The following GLMN variants were observed in gnomAD, a reference collection of about 807,000 sequenced individuals.
GLMN encodes glomulin.
In GLMN, 75 loss-of-function variants were observed where a neutral mutation model predicts 87.8. That is an observed-to-expected ratio of 0.85 (90% confidence interval 0.71 to 1.04). The LOEUF (loss-of-function observed/expected upper bound fraction) is 1.04. Among genes scored for constraint, GLMN ranks in the 50% least tolerant of loss-of-function variants. GLMN has a pLI of 0.00. For missense variants in GLMN, 588 were observed against 658.8 expected, an observed-to-expected ratio of 0.89 and a Z score of 1.18; for synonymous variants, 206 against 221.6, an observed-to-expected ratio of 0.93 and a Z score of 0.63.
chr1:92,292,346 G>GT (rs1352717673), intron 3 of GLMN, among the ~76,000 whole-genome samples: 1 of 152,134 alleles, frequency 6.6e-6, no homozygotes, highest in East Asian at 1.9e-4. Context: ...GAGCCCAGGA[G>GT]TTTGAGACCA....
chr1:92,351,880 C>T, the GLMN span, among the ~76,000 whole-genome samples: 408 of 152,094 alleles, frequency 2.7e-3, 1 homozygote, highest in African/African-American at 9.6e-3. Context: ...TAAGCCACTA[C>T]TTTGTATTCT....
At chr1:92,338,014 TTC>T in the GLMN span, among the ~76,000 whole-genome samples, 4 of 152,196 alleles carry the variant, frequency 2.6e-5, no homozygotes, top group Non-Finnish European at 5.9e-5. Flanking sequence ...TTAACTATCA[TTC>T]TGTTTTCCTA....
chr1:92,275,622 C>A (rs1310346441), intron 7 of GLMN, among the ~76,000 whole-genome samples: 1 of 152,120 alleles, frequency 6.6e-6, no homozygotes, highest in African/African-American at 2.4e-5. Flanking sequence ...TTTTTCTCAT[C>A]TGTCATTCAT....
At chr1:92,324,816 A>T in the GLMN span, among the ~76,000 whole-genome samples, 2 of 152,208 alleles carry the variant, frequency 1.3e-5, no homozygotes, top group South Asian at 4.1e-4. Context: ...TGTCCATTGA[A>T]AACATTACAG....
At chr1:92,323,894 C>T in the GLMN span, 2 of 1,614,092 alleles carry the variant, frequency 1.2e-6, no homozygotes, top group Non-Finnish European at 1.7e-6. Context: ...TCAGAAATAA[C>T]TCTAGTAGGC....
At chr1:92,292,456 G>A (rs1649516434) in intron 3 of GLMN, among the ~76,000 whole-genome samples, 1 of 151,960 alleles carries the variant, frequency 6.6e-6, no homozygotes, top group Admixed American at 6.6e-5. Flanking sequence ...TGTCGCCCAG[G>A]CTGGAGTGCA....
chr1:92,352,499 C>T, the GLMN span, among the ~76,000 whole-genome samples: 1 of 152,128 alleles, frequency 6.6e-6, no homozygotes, highest in Non-Finnish European at 1.5e-5. Context: ...AATCTGTGAA[C>T]ATACCATGAA....
the GLMN span, chr1:92,363,626 C>T: frequency 2.4e-3 from 575 of 236,298 alleles, 1 homozygote; most frequent in Admixed American, 3.4e-3. Flanking sequence ...CTGTGCAAGT[C>T]CACTTCTATG....
At chr1:92,254,461 A>T (rs556102085) in intron 16 of GLMN, among the ~76,000 whole-genome samples, 1 of 152,316 alleles carries the variant, frequency 6.6e-6, no homozygotes, top group South Asian at 2.1e-4. Flanking sequence ...CAAGACACAT[A>T]ATCATCAGAT....
upstream of GLMN, chr1:92,299,043 C>A (rs577754981): frequency 3.2e-5 from 42 of 1,332,322 alleles, 1 homozygote; most frequent in Middle Eastern, 7.6e-4. Flanking sequence ...GACGCCGGAG[C>A]GTGTCCCCGT....
At chr1:92,361,308 C>G in the GLMN span, among the ~76,000 whole-genome samples, 1 of 152,162 alleles carries the variant, frequency 6.6e-6, no homozygotes, top group East Asian at 1.9e-4. Flanking sequence ...TCCATGCAGT[C>G]AAATACATTG....
the GLMN span, chr1:92,324,023 A>C: frequency 6.2e-7 from 1 of 1,613,952 alleles, no homozygotes; most frequent in South Asian, 1.1e-5. Context: ...AACTTACTTA[A>C]AGTTTTGAAG....
chr1:92,369,413 G>C, the GLMN span, among the ~76,000 whole-genome samples: 2 of 152,058 alleles, frequency 1.3e-5, no homozygotes, highest in African/African-American at 4.8e-5. Context: ...TGTGGGAACC[G>C]ATCCTCCCAC....
At chr1:92,354,624 C>G in the GLMN span, among the ~76,000 whole-genome samples, 2 of 152,094 alleles carry the variant, frequency 1.3e-5, no homozygotes, top group South Asian at 4.1e-4. Flanking sequence ...AGGACATAAA[C>G]CATCTGTTAT....
At chr1:92,306,730 T>G in the GLMN span, among the ~76,000 whole-genome samples, 3 of 151,960 alleles carry the variant, frequency 2.0e-5, no homozygotes, top group Non-Finnish European at 2.9e-5. Context: ...TCCAAGCTAC[T>G]CAGGAGGCTG....
chr1:92,256,007 C>G (rs1252939152), intron 16 of GLMN, among the ~76,000 whole-genome samples: 1 of 151,502 alleles, frequency 6.6e-6, no homozygotes, highest in Non-Finnish European at 1.5e-5. Context: ...AAACAGACCA[C>G]TAGCCAGACT....
the GLMN span, among the ~76,000 whole-genome samples, chr1:92,354,690 ATC>A: frequency 1.3e-5 from 2 of 152,168 alleles, no homozygotes; most frequent in African/African-American, 2.4e-5. Flanking sequence ...CAAAGTTTTT[ATC>A]TCTGTTTTCT....
intron 3 of GLMN, among the ~76,000 whole-genome samples, chr1:92,294,898 C>T (rs1230600446): frequency 1.3e-5 from 2 of 152,092 alleles, no homozygotes; most frequent in Admixed American, 6.5e-5. Flanking sequence ...AGGCTGGTCT[C>T]GAACTCCTGA....
At chr1:92,299,658 C>T (rs1228186289), upstream of GLMN, among the ~76,000 whole-genome samples, 2 of 152,178 alleles carry the variant, frequency 1.3e-5, no homozygotes, top group Non-Finnish European at 2.9e-5. Flanking sequence ...GAAGAAAATT[C>T]AATCCCCAAA....
Sources: gnomAD v4.1 joint callset for allele counts (sites outside exome capture counted in the v4.1 genomes callset) on GRCh38, gnomAD v4.1.1 for gene constraint, MANE v1.5 for transcripts, NCBI Gene and HGNC (gene_info 2026-07-23, HGNC 2026-07-21) for gene names.